The following SPATS2L variants were observed in gnomAD, a reference collection of about 807,000 sequenced individuals.
The protein encoded by SPATS2L is SPATS2-like protein.
A neutral mutation model predicts 59.6 loss-of-function variants in SPATS2L; 30 were observed. That is an observed-to-expected ratio of 0.50 (90% CI 0.38 to 0.68). SPATS2L has a LOEUF of 0.68. SPATS2L is among the 30% of genes least tolerant of loss of function. SPATS2L has a pLI of 0.00. For missense variants in SPATS2L, 615 were observed against 700.0 expected, an observed-to-expected ratio of 0.88 and a Z score of 1.37; for synonymous variants, 252 against 263.5, an observed-to-expected ratio of 0.96 and a Z score of 0.42.
intron 2 of SPATS2L, among the ~76,000 whole-genome samples, chr2:200,342,139 A>G (rs991319138): frequency 6.6e-6 from 1 of 152,144 alleles, no homozygotes; most frequent in Non-Finnish European, 1.5e-5. Flanking sequence ...TATACCATGG[A>G]CTTATCACTA....
intron 2 of SPATS2L, among the ~76,000 whole-genome samples, chr2:200,358,730 G>A (rs1339394001): frequency 2.0e-5 from 3 of 152,010 alleles, no homozygotes; most frequent in Admixed American, 6.6e-5. Flanking sequence ...GGCCATACCT[G>A]TAATCCCAGC....
intron 8 of SPATS2L, among the ~76,000 whole-genome samples, chr2:200,458,925 G>A (rs912040449): frequency 1.1e-4 from 16 of 152,268 alleles, no homozygotes; most frequent in African/African-American, 3.8e-4. Context: ...TCTGACATCT[G>A]TGCTCACCCA....
chr2:200,326,526 A>C (rs1425373387), intron 1 of SPATS2L, among the ~76,000 whole-genome samples: 1 of 152,148 alleles, frequency 6.6e-6, no homozygotes, highest in Non-Finnish European at 1.5e-5. Flanking sequence ...GTCCTCTTTG[A>C]GGAAAGATGT....
chr2:200,306,950 G>T, intron 1 of SPATS2L, 28 bp downstream of exon 1: 1 of 983,094 alleles, frequency 1.0e-6, no homozygotes, highest in Non-Finnish European at 1.2e-6. Context: ...TCCACGCCGG[G>T]CCGGCTGGGG....
intron 2 of SPATS2L, chr2:200,378,219 A>G (rs1431224763): frequency 8.0e-6 from 8 of 1,001,810 alleles, no homozygotes; most frequent in Non-Finnish European, 9.6e-6. Context: ...CTGGCTCCAC[A>G]TTCGTCACTA....
chr2:200,371,590 A>C (rs1476541142), intron 2 of SPATS2L, among the ~76,000 whole-genome samples: 1 of 152,198 alleles, frequency 6.6e-6, no homozygotes, highest in South Asian at 2.1e-4. Context: ...CAGGGTGAGA[A>C]GACTCCAGAC....
chr2:200,324,464 G>A (rs1408469578), intron 1 of SPATS2L, among the ~76,000 whole-genome samples: 3 of 152,000 alleles, frequency 2.0e-5, no homozygotes, highest in Non-Finnish European at 2.9e-5. Context: ...TTTCTCCTTC[G>A]ACACAGGGAA....
chr2:200,472,726 G>A (rs1217191595), intron 11 of SPATS2L, 106 bp from the exon 12 acceptor site: 4 of 954,462 alleles, frequency 4.2e-6, no homozygotes, highest in South Asian at 1.6e-5. Context: ...TAATGTTTTT[G>A]TGGAGCTCCT....
intron 12 of SPATS2L, 74 bp from the exon 13 acceptor site, chr2:200,477,562 G>C (rs2087638928): frequency 1.2e-6 from 1 of 858,296 alleles, no homozygotes; most frequent in African/African-American, 2.1e-5. Context: ...TTAGAGATTT[G>C]GTTTTCCTGA....
At chr2:200,426,374 A>G (rs1444758595) in intron 6 of SPATS2L, among the ~76,000 whole-genome samples, 3 of 152,082 alleles carry the variant, frequency 2.0e-5, no homozygotes, top group African/African-American at 7.2e-5. Flanking sequence ...TAAAGATCTA[A>G]TACTCTATTA....
At chr2:200,428,117 T>C (rs1397941277) in intron 6 of SPATS2L, among the ~76,000 whole-genome samples, 1 of 151,960 alleles carries the variant, frequency 6.6e-6, no homozygotes. Context: ...ACTAGACCAT[T>C]ATTCTGTAAC....
At position 200,394,156 on chromosome 2, in the gene SPATS2L, G is replaced by A. The variant is rs374173318; in HGVS notation, c.39+4873G>A. On this transcript the variant is annotated intron_variant, in intron 3 of 12. Transcript: ENST00000409140. ...CGATAAGGATTTAAATTGAAAATAT[G>A]GTTGCAATCAGAGTCTGGTCTCTTC... Among the ~76,000 whole-genome samples, 43 of 152,298 alleles carry A rather than the reference G, an allele frequency of 2.8e-4. No homozygotes were observed. In the East Asian group the frequency reaches 6.7e-3, roughly 24 times the overall value.
intron 9 of SPATS2L, among the ~76,000 whole-genome samples, chr2:200,465,921 AC>A (rs2086564697): frequency 6.6e-6 from 1 of 152,100 alleles, no homozygotes; most frequent in African/African-American, 2.4e-5. Context: ...AGTCCCAGCT[AC>A]CCAGGAGGCT....
chr2:200,419,221 A>G, intron 5 of SPATS2L, 29 bp from the exon 6 acceptor site: 12 of 1,540,058 alleles, frequency 7.8e-6, no homozygotes, highest in Non-Finnish European at 1.1e-5. Flanking sequence ...TGAGTTGAAT[A>G]TTATGTTCTC....
At position 200,308,389 on chromosome 2, in the gene SPATS2L, G is replaced by T. The variant is rs527910576; in HGVS notation, c.-73+1467G>T. ...AGGGCAGTTTTATCTAGTAACTGTC[G>T]TGTTTAAAAATATCTGTGTATGATA... On this transcript the variant is annotated intron_variant, in intron 1 of 12. Coordinates refer to ENST00000409140, the MANE Select transcript of SPATS2L (RefSeq NM_001100423.2). Among the ~76,000 whole-genome samples the T allele has an allele frequency of 4.6e-5, 7 of 152,222 alleles. No individual in the cohort carries two copies. The South Asian group carries it at 1.5e-3, about 32-fold the overall frequency.
intron 3 of SPATS2L, among the ~76,000 whole-genome samples, chr2:200,408,643 G>C (rs562767855): frequency 7.2e-5 from 11 of 152,156 alleles, no homozygotes; most frequent in African/African-American, 2.7e-4. Flanking sequence ...ATCTGTTAAC[G>C]GCTCTTAACC....
chr2:200,316,392 G>A (rs1442495691), intron 1 of SPATS2L, among the ~76,000 whole-genome samples: 2 of 152,234 alleles, frequency 1.3e-5, no homozygotes, highest in African/African-American at 4.8e-5. Flanking sequence ...GCTAAAAACA[G>A]AAGTTTGAAA....
intron 2 of SPATS2L, among the ~76,000 whole-genome samples, chr2:200,366,595 G>C (rs1426578851): frequency 1.3e-5 from 2 of 152,126 alleles, no homozygotes; most frequent in Non-Finnish European, 2.9e-5. Context: ...TTGGTAATAG[G>C]CATAATACCA....
chr2:200,358,043 C>G (rs1449768586), intron 2 of SPATS2L, among the ~76,000 whole-genome samples: 1 of 152,114 alleles, frequency 6.6e-6, no homozygotes, highest in Admixed American at 6.6e-5. Context: ...GAGTCATGTT[C>G]TGAAATTTTC....
Sources: gnomAD v4.1 joint callset for allele counts (sites outside exome capture counted in the v4.1 genomes callset) on GRCh38, gnomAD v4.1.1 for gene constraint, MANE v1.5 for transcripts, NCBI Gene and HGNC (gene_info 2026-07-23, HGNC 2026-07-21) for gene names.